RNF126: variants seen among roughly 807,000 people sequenced by gnomAD.
The protein encoded by RNF126 is E3 ubiquitin-protein ligase RNF126.
RNF126 carries 20 observed loss-of-function variants against 41.9 expected under a neutral mutation model. That is an observed-to-expected ratio of 0.48 (90% CI 0.34 to 0.69). The LOEUF (loss-of-function observed/expected upper bound fraction) is 0.69, where lower values mean the gene tolerates loss of function less well. RNF126 is among the 30% of genes least tolerant of loss of function. RNF126 has a pLI of 0.01. For missense variants in RNF126, 433 were observed against 460.6 expected (o/e 0.94, Z 0.55); for synonymous variants, 239 against 202.9 (o/e 1.18, Z -1.51).
intron 1 of RNF126, among the ~76,000 whole-genome samples, chr19:654,409 G>A (rs981200005): frequency 4.6e-5 from 7 of 152,120 alleles, no homozygotes; most frequent in Admixed American, 3.3e-4. Flanking sequence ...TCGGGAGGCC[G>A]AGGCGGGCGG....
In RNF126 at chr19:652,253, G is replaced by C; in HGVS notation, c.178C>G (p.Gln60Glu). The C allele has an allele frequency of 2.6e-6, 4 of 1,546,762 alleles. No individual in the cohort carries two copies. The highest frequency in any genetic ancestry group is 2.6e-6 in the Non-Finnish European group (3 of 1,157,186). ...CTCACCTCCAACGGTGGCCGGCTCT[G>C]GTCTGTGGGAGCTGTGGAGGGGGCA... The part of the protein sequence containing the change: ...GSAPSTAPTD[Q>E]SRPPLEHVDQ... Residue 60 changes from glutamine (Q) to glutamate (E), a missense_variant, in exon 3 of 9, where the codon CAG becomes GAG. Coordinates refer to ENST00000292363, the MANE Select transcript of RNF126 (RefSeq NM_194460.3).
Position 652,916 on chromosome 19 carries a change from T to C in RNF126, c.76-32A>G, listed in dbSNP as rs143441978. 1.9e-3 allele frequency: 2,999 copies of C among 1,599,892 alleles called. 29 individuals carry two copies. In the African/African-American group the frequency reaches 0.03, roughly 16 times the overall value. On this transcript the variant is annotated intron_variant, in intron 1 of 8. Transcript: ENST00000292363. ...GAGAGAACAGGAGGCCGGGTCACGG[T>C]GACGCCGGCATCACCTGCAAACCCC...
intron 4 of RNF126, chr19:651,395 A>G: frequency 2.3e-6 from 1 of 429,616 alleles, no homozygotes; most frequent in Non-Finnish European, 4.0e-6. Flanking sequence ...ACGGTGCCCC[A>G]CTCTGTGGTC....
At chr19:662,643 G>A (rs557791342) in intron 1 of RNF126, among the ~76,000 whole-genome samples, 2 of 152,224 alleles carry the variant, frequency 1.3e-5, no homozygotes, top group African/African-American at 2.4e-5. Flanking sequence ...GCCCCGCGCC[G>A]CGCCACCGGG....
In RNF126 at chr19:651,849, C is replaced by T. The variant is rs1188896868; in HGVS notation, c.205G>A (p.Asp69Asn). Reference protein sequence around the residue: ...DQSRPPLEHVDQHLFTLPQGY... With the variant: ...DQSRPPLEHVNQHLFTLPQGY... Reference sequence around the variant, plus strand: ...TGCGGCAGCGTGAACAGGTGCTGGTCCACGTGCTGGGGAGAGGAGGGGGGC... The same window carrying T: ...TGCGGCAGCGTGAACAGGTGCTGGTTCACGTGCTGGGGAGAGGAGGGGGGC... Residue 69 changes from aspartate (D) to asparagine (N), a missense_variant, in exon 4 of 9, where the codon GAC (aspartate) becomes AAC (asparagine). Coordinates refer to ENST00000292363, the MANE Select transcript of RNF126 (RefSeq NM_194460.3). 6.2e-6 allele frequency: 10 copies of T among 1,608,692 alleles called. No individual in the cohort carries two copies. The highest frequency in any genetic ancestry group is 1.1e-5 in the South Asian group (1 of 90,840).
intron 1 of RNF126, among the ~76,000 whole-genome samples, chr19:661,191 TCCA>T (rs1314941878): frequency 1.3e-5 from 2 of 152,184 alleles, no homozygotes; most frequent in Non-Finnish European, 2.9e-5. Flanking sequence ...AGGAAGTGGC[TCCA>T]CCACACCAGG....
At position 662,682 on chromosome 19, in the gene RNF126, C is replaced by G. The variant is rs1366666048; in HGVS notation, c.75+365G>C. On this transcript the variant is annotated intron_variant, in intron 1 of 8. Transcript: ENST00000292363. ...TACCCTCTCTCTGCTCGCCGGGCCT[C>G]AGTTTCTCCGTTTGCAAAACCAGGC... Among the ~76,000 whole-genome samples the G allele has an allele frequency of 2.0e-5, 3 of 152,168 alleles. No homozygotes were observed. The East Asian group carries it at 5.8e-4, about 29-fold the overall frequency.
Position 652,228 on chromosome 19 carries a change from C to G in RNF126, c.198+5G>C. 1 of 1,523,466 alleles carries G rather than the reference C, an allele frequency of 6.6e-7. No homozygotes were observed. Among genetic ancestry groups the G allele is most frequent in the Non-Finnish European group, 8.7e-7 (1 of 1,146,048 alleles). 94.4% of individuals were successfully genotyped at this position (1,523,466 alleles called of 1,614,324 possible). On this transcript the variant is annotated splice_donor_5th_base_variant and intron_variant, in intron 3 of 8. Transcript: ENST00000292363. ...ATCGGGAAGCACGAGGGGCGGGCGA[C>G]TCACCTCCAACGGTGGCCGGCTCTG...
At chr19:650,460 G>A (rs1451048660) in intron 4 of RNF126, 164 bp from the exon 5 acceptor site, 10 of 594,038 alleles carry the variant, frequency 1.7e-5, no homozygotes, top group East Asian at 1.2e-4. Context: ...CTCTAATGCC[G>A]AGGCAGGAGA....
At chr19:654,872 C>T (rs185966470) in intron 1 of RNF126, among the ~76,000 whole-genome samples, 201 of 151,656 alleles carry the variant, frequency 1.3e-3, no homozygotes, top group Non-Finnish European at 2.6e-3. Context: ...GAGGCTGAGA[C>T]AGGAGAATCG....
chr19:661,341 T>C (rs1377061687), intron 1 of RNF126: 1 of 152,260 alleles, frequency 6.6e-6, no homozygotes, highest in East Asian at 1.9e-4. Flanking sequence ...TGCAAGGGGC[T>C]GCCCTGCAAC....
chr19:662,956 G>A (rs1312863118), intron 1 of RNF126, 91 bp downstream of exon 1: 3 of 509,734 alleles, frequency 5.9e-6, no homozygotes, highest in Admixed American at 4.8e-5. Flanking sequence ...TCGCGCAAGA[G>A]GCGGGCGCAA....
chr19:652,366 C>G (rs2030352103), intron 2 of RNF126, 70 bp from the exon 3 acceptor site: 3 of 1,321,912 alleles, frequency 2.3e-6, no homozygotes, highest in East Asian at 2.6e-5. Context: ...TCCCTCCCCT[C>G]AAAAGCCTAT....
At position 652,201 on chromosome 19, in the gene RNF126, C is replaced by T. The variant is rs750500020; in HGVS notation, c.198+32G>A. ...CTCGGGGCCCCGAGCAAGGCTGACA[C>T]GATCGGGAAGCACGAGGGGCGGGCG... On this transcript the variant is annotated intron_variant, in intron 3 of 8. Coordinates refer to ENST00000292363, the MANE Select transcript of RNF126 (RefSeq NM_194460.3). 5.3e-5 allele frequency: 79 copies of T among 1,496,706 alleles called. 1 individual carries two copies. In the Middle Eastern group the frequency reaches 1.2e-3, roughly 23 times the overall value. The allele number at this position is 1,496,706 out of a possible 1,614,324, so 92.7% of individuals were successfully genotyped here.
At position 659,123 on chromosome 19, in the gene RNF126, T is replaced by G. The variant is rs1015770841; in HGVS notation, c.75+3924A>C. Among the ~76,000 whole-genome samples the G allele has an allele frequency of 3.9e-5, 6 of 152,030 alleles. No homozygotes were observed. Among genetic ancestry groups the G allele is most frequent in the Non-Finnish European group, 7.4e-5 (5 of 67,996 alleles). On this transcript the variant is annotated intron_variant, in intron 1 of 8. Transcript: ENST00000292363. This position sits in a 1 kb window ranked among gnomAD's most constrained non-coding sequence, Gnocchi z 4.9. ...CGCTCCAGGGTGCTGGCCGGACGCT[T>G]GAGAGGCAGGGGCAGGCTGTCACTG...
At chr19:652,925 C>T in intron 1 of RNF126, 41 bp from the exon 2 acceptor site, 2 of 1,578,952 alleles carry the variant, frequency 1.3e-6, no homozygotes, top group Non-Finnish European at 1.7e-6. Context: ...GTGACGCCGG[C>T]ATCACCTGCA....
At chr19:660,081 T>C (rs1334874471) in intron 1 of RNF126, among the ~76,000 whole-genome samples, 3 of 152,230 alleles carry the variant, frequency 2.0e-5, no homozygotes, top group Non-Finnish European at 2.9e-5. Flanking sequence ...CAGCCTTTCA[T>C]GGGGGCAACT....
In RNF126 at chr19:647,831, T is replaced by G; in HGVS notation, c.*297A>C. 1 of 525,766 alleles carries G rather than the reference T, an allele frequency of 1.9e-6. No homozygotes were observed. Among genetic ancestry groups the G allele is most frequent in the East Asian group, 4.2e-5 (1 of 23,604 alleles). The allele number at this position is 525,766 out of a possible 1,614,324, so 32.6% of individuals were successfully genotyped here. ...CACGTGAGCTCAAACGTCCGTTTATTTCAAAGCAGTAATAATTTAAAATTA... is the reference window on the plus strand; with the variant it reads ...CACGTGAGCTCAAACGTCCGTTTATGTCAAAGCAGTAATAATTTAAAATTA... On this transcript the variant is annotated 3_prime_UTR_variant, in exon 9 of 9. Coordinates refer to ENST00000292363, the MANE Select transcript of RNF126 (RefSeq NM_194460.3).
intron 1 of RNF126, among the ~76,000 whole-genome samples, chr19:656,046 G>A (rs991638225): frequency 5.3e-5 from 8 of 152,080 alleles, no homozygotes; most frequent in Admixed American, 4.6e-4. Context: ...GGGAGGGGAC[G>A]GGGAGTGACG....
Sources: gnomAD v4.1 joint callset for allele counts (sites outside exome capture counted in the v4.1 genomes callset) on GRCh38, gnomAD v4.1.1 for gene constraint, Gnocchi (gnomAD v3.1) non-coding constraint, MANE v1.5 for transcripts, NCBI Gene and HGNC (gene_info 2026-07-23, HGNC 2026-07-21) for gene names.